PHLPP1: variants seen among roughly 807,000 people sequenced by gnomAD.
PHLPP1 encodes PH domain leucine-rich repeat-containing protein phosphatase 1.
PHLPP1 carries 42 observed loss-of-function variants against 117.2 expected under a neutral mutation model. The ratio of observed to expected loss-of-function variants is 0.36; its 90% confidence interval spans 0.28 to 0.46. PHLPP1 has a LOEUF of 0.46. Ranked by LOEUF, PHLPP1 falls within the 20% of genes least tolerant of loss-of-function variation. PHLPP1 has a pLI of 1.00. For synonymous variants in PHLPP1, 1,042 were observed against 970.7 expected (o/e 1.07, Z -1.37); for missense variants, 2,084 against 2,241.9 (o/e 0.93, Z 1.42).
At chr18:62,789,299 A>T (rs1037771590) in intron 1 of PHLPP1, among the ~76,000 whole-genome samples, 3 of 152,204 alleles carry the variant, frequency 2.0e-5, no homozygotes, top group African/African-American at 7.2e-5. Context: ...TTTTTGTCTT[A>T]AAAGAATCGT....
chr18:62,732,028 G>C (rs1466760009), intron 1 of PHLPP1, among the ~76,000 whole-genome samples: 3 of 152,252 alleles, frequency 2.0e-5, no homozygotes, highest in Non-Finnish European at 2.9e-5. Context: ...GCAAGGTGAA[G>C]CTGCACAAGT....
At chr18:62,861,640 AT>A (rs1432373087) in intron 4 of PHLPP1, among the ~76,000 whole-genome samples, 3 of 152,218 alleles carry the variant, frequency 2.0e-5, no homozygotes, top group African/African-American at 7.2e-5. Flanking sequence ...TACATGACTG[AT>A]ATGATCAGGA....
intron 1 of PHLPP1, among the ~76,000 whole-genome samples, chr18:62,787,464 G>A (rs890840836): frequency 4.6e-5 from 7 of 152,216 alleles, no homozygotes; most frequent in East Asian, 1.9e-4. Flanking sequence ...CACCGTGCCC[G>A]ACCTAAAGCA....
intron 1 of PHLPP1, among the ~76,000 whole-genome samples, chr18:62,799,481 G>A (rs1378959754): frequency 6.6e-6 from 1 of 152,184 alleles, no homozygotes; most frequent in Non-Finnish European, 1.5e-5. Context: ...AAGGACCGCA[G>A]AGTTCATCTC....
chr18:62,737,817 A>G (rs1911412126), intron 1 of PHLPP1, among the ~76,000 whole-genome samples: 1 of 152,200 alleles, frequency 6.6e-6, no homozygotes, highest in East Asian at 1.9e-4. Context: ...ATGAAGGTCT[A>G]CACGAGGTCA....
chr18:62,724,982 G>A (rs72945521), intron 1 of PHLPP1, among the ~76,000 whole-genome samples: 5 of 152,172 alleles, frequency 3.3e-5, no homozygotes, highest in Non-Finnish European at 7.4e-5. Context: ...AAGAATAAAA[G>A]TGTTAGAAAA....
intron 1 of PHLPP1, among the ~76,000 whole-genome samples, chr18:62,824,366 G>A (rs752261516): frequency 2.6e-5 from 4 of 151,962 alleles, no homozygotes; most frequent in Admixed American, 6.6e-5. Flanking sequence ...TTAAACTGTG[G>A]TATATTCATA....
At position 62,979,357 on chromosome 18, in the gene PHLPP1, C is replaced by A. The variant is rs771348469; in HGVS notation, c.5080C>A (p.Pro1694Thr). 3 of 1,549,620 alleles carry A rather than the reference C, an allele frequency of 1.9e-6. No individual in the cohort carries two copies. Among genetic ancestry groups the A allele is most frequent in the South Asian group, 2.4e-5 (2 of 84,062 alleles). ...QQQQQQPPPPPQLQPQLPRHY... is the reference protein window; with the variant it reads ...QQQQQQPPPPTQLQPQLPRHY... The stretch of plus-strand genomic sequence containing the variant: ...GCAGCAGCAGCAGCCGCCACCACCC[C>A]CTCAGCTCCAGCCGCAGCTGCCGCG... The change falls in exon 17 of 17, where the codon CCT (proline) becomes ACT (threonine). Residue 1694 changes from proline (P) to threonine (T), a missense_variant. By Grantham distance (38) the Pro-to-Thr change is conservative (BLOSUM62 -1). This residue lies in a region of PHLPP1 where 1,365 missense variants were observed against 1,605.9 expected (regional missense o/e 0.85). Transcript: ENST00000262719.
intron 1 of PHLPP1, among the ~76,000 whole-genome samples, chr18:62,754,598 T>C (rs971391106): frequency 6.6e-6 from 1 of 152,238 alleles, no homozygotes; most frequent in Non-Finnish European, 1.5e-5. Flanking sequence ...TCGTGTACTT[T>C]GGATCCACAG....
At chr18:62,738,715 C>A (rs1355537504) in intron 1 of PHLPP1, among the ~76,000 whole-genome samples, 1 of 151,996 alleles carries the variant, frequency 6.6e-6, no homozygotes, top group Admixed American at 6.5e-5. Context: ...AATACTAATA[C>A]AATGGAACAG....
At chr18:62,945,294 C>T (rs1910248323) in intron 12 of PHLPP1, 23 bp downstream of exon 12, 8 of 1,568,766 alleles carry the variant, frequency 5.1e-6, no homozygotes, top group African/African-American at 1.4e-5. Context: ...ATTTCATAAA[C>T]TCTAAGCTTC....
intron 6 of PHLPP1, among the ~76,000 whole-genome samples, chr18:62,902,622 C>T (rs1916751253): frequency 6.6e-6 from 1 of 152,030 alleles, no homozygotes; most frequent in Non-Finnish European, 1.5e-5. Context: ...TTCACAGTTC[C>T]TTGGATGTCA....
chr18:62,830,217 C>G lies in PHLPP1; in HGVS notation c.1759C>G (p.Leu587Val), dbSNP rs200816598. Residue 587 changes from leucine (L) to valine (V), a missense_variant, in exon 2 of 17, where the codon CTA (leucine) becomes GTA (valine). Transcript: ENST00000262719. ...GACCGGAAAGATGCATGTTCTGCCA[C>G]TAATTGGTGGAAAAGTAAGTTTGTT... ...SLTGKMHVLP[L>V]IGGKVEEVKK... 289 of 1,556,796 alleles carry G rather than the reference C, an allele frequency of 1.9e-4. No individual in the cohort carries two copies. Among genetic ancestry groups the G allele is most frequent in the South Asian group, 5.0e-4 (42 of 84,532 alleles).
intron 1 of PHLPP1, among the ~76,000 whole-genome samples, chr18:62,727,886 T>C (rs992869205): frequency 2.0e-5 from 3 of 152,094 alleles, no homozygotes; most frequent in African/African-American, 4.8e-5. Context: ...GGATACTCCT[T>C]TCCTGTGGAT....
At chr18:62,757,438 G>A (rs755645297) in intron 1 of PHLPP1, among the ~76,000 whole-genome samples, 2 of 152,198 alleles carry the variant, frequency 1.3e-5, no homozygotes, top group African/African-American at 2.4e-5. Flanking sequence ...TTTGAAAAAG[G>A]TGTGTTTTAA....
At chr18:62,725,837 T>C (rs1481557590) in intron 1 of PHLPP1, among the ~76,000 whole-genome samples, 1 of 152,156 alleles carries the variant, frequency 6.6e-6, no homozygotes, top group African/African-American at 2.4e-5. Context: ...GTCAATTAAT[T>C]CCCCAAAGAT....
chr18:62,759,005 A>G (rs1912122527), intron 1 of PHLPP1, among the ~76,000 whole-genome samples: 2 of 152,248 alleles, frequency 1.3e-5, no homozygotes, highest in Admixed American at 6.5e-5. Flanking sequence ...AACAAGATTT[A>G]TATGGAAATG....
intron 1 of PHLPP1, among the ~76,000 whole-genome samples, chr18:62,821,150 G>A (rs1244066857): frequency 6.6e-6 from 1 of 152,186 alleles, no homozygotes; most frequent in Non-Finnish European, 1.5e-5. Context: ...GTAAAAGATG[G>A]ACCTAGTGCG....
Position 62,716,988 on chromosome 18 carries a change from CGAG to C in PHLPP1, c.1309_1311del (p.Glu437del). On this transcript the variant is annotated inframe_deletion, in exon 1 of 17. Coordinates refer to ENST00000262719, the MANE Select transcript of PHLPP1 (RefSeq NM_194449.4). The surrounding 1 kb of genome is among the most constrained non-coding windows in gnomAD (Gnocchi z 5.7). Reference sequence around the variant, plus strand: ...GCGGGGCCGTCCGCGAGGGGTCGTGCGAGGAGAAGGCAGCGGCAGCCGTGGCCC... The same window carrying C: ...GCGGGGCCGTCCGCGAGGGGTCGTGCGAGAAGGCAGCGGCAGCCGTGGCCC... 1 of 1,542,246 alleles carries C rather than the reference CGAG, an allele frequency of 6.5e-7. No homozygotes were observed. Among genetic ancestry groups the C allele is most frequent in the South Asian group, 1.2e-5 (1 of 83,888 alleles).
Sources: allele counts gnomAD v4.1 joint callset (sites outside exome capture counted in the v4.1 genomes callset), GRCh38; gene constraint gnomAD v4.1.1; regional missense constraint gnomAD v4.1.1; non-coding constraint Gnocchi (gnomAD v3.1); transcripts MANE v1.5; gene names NCBI Gene and HGNC (gene_info 2026-07-23, HGNC 2026-07-21).